Variants in ZNF486 observed in about 807,000 individuals in gnomAD.
ZNF486 encodes the protein KRAB box only protein 2.
ZNF486 carries 12 observed loss-of-function variants against 12.8 expected under a neutral mutation model. That is an observed-to-expected ratio of 0.94 (90% confidence interval 0.60 to 1.52). The LOEUF is 1.52. Among genes scored for constraint, ZNF486 ranks in the 40% most tolerant of loss-of-function variants. ZNF486 has a pLI of 0.00. For synonymous variants in ZNF486, 231 were observed against 184.9 expected, an observed-to-expected ratio of 1.25 and a Z score of -2.02; for missense variants, 738 against 545.0, an observed-to-expected ratio of 1.35 and a Z score of -3.53.
chr19:20,189,824 G>A (rs189201408), intron 3 of ZNF486, among the ~76,000 whole-genome samples: 62 of 152,228 alleles, frequency 4.1e-4, no homozygotes, highest in African/African-American at 1.4e-3. Context: ...TTGATGTCTA[G>A]TGTAGTTAAA....
At chr19:20,173,684 TA>T (rs2089674208) in intron 1 of ZNF486, among the ~76,000 whole-genome samples, 1 of 151,784 alleles carries the variant, frequency 6.6e-6, no homozygotes, top group Admixed American at 6.6e-5. Flanking sequence ...AAAAAAAAAT[TA>T]GTCAGGCGTG....
At position 20,199,092 on chromosome 19, in the gene ZNF486, A is replaced by C. The variant is rs147339203; in HGVS notation, c.*990A>C. The C allele has an allele frequency of 1.3e-5, 2 of 152,300 alleles. No individual in the cohort carries two copies. Among genetic ancestry groups the C allele is most frequent in the East Asian group, 3.9e-4 (2 of 5,182 alleles). The allele number at this position is 152,300 out of a possible 1,614,324, so 9.4% of individuals were successfully genotyped here. A position where few individuals can be genotyped will look rare whatever the true frequency, so the allele number is the denominator to read the frequency against. On this transcript the variant is annotated 3_prime_UTR_variant, in exon 4 of 4. Transcript: ENST00000335117. ...GTGCTTACACCGTATTTCACAGGAAAGCTATTATCCTTGAGAAAAATTGTA... is the reference window on the plus strand; with the variant it reads ...GTGCTTACACCGTATTTCACAGGAACGCTATTATCCTTGAGAAAAATTGTA...
In ZNF486 at chr19:20,197,466, C is replaced by G; in HGVS notation, c.756C>G (p.Ser252Arg). ...GCAAAGTCTTTAAGTACTTCTCTAG[C>G]TTTACTACACATAAGAAAATTCATA... is the stretch of plus-strand genomic sequence containing the variant. Reference protein sequence around the residue: ...ECGKVFKYFSSFTTHKKIHSG... With the variant: ...ECGKVFKYFSRFTTHKKIHSG... Residue 252 changes from serine (S) to arginine (R), a missense_variant, in exon 4 of 4, where the codon AGC becomes AGG. By Grantham distance (110) the Ser-to-Arg change is moderately radical. Transcript: ENST00000335117. 1 of 1,608,826 alleles carries G rather than the reference C, an allele frequency of 6.2e-7. No individual in the cohort carries two copies. Among genetic ancestry groups the G allele is most frequent in the East Asian group, 2.2e-5 (1 of 44,852 alleles).
chr19:20,186,084 T>C lies in ZNF486; in HGVS notation c.253+2T>C. On this transcript the variant is annotated splice_donor_variant, in intron 3 of 3. Transcript: ENST00000335117. LOFTEE classifies it high-confidence loss of function. The stretch of plus-strand genomic sequence containing the variant: ...ATGAGATGATTGCCAAACCCCCAGG[T>C]AGGTGCGAATGAAAATGAACACAAC... 2 of 1,577,586 alleles carry C rather than the reference T, an allele frequency of 1.3e-6. No individual in the cohort carries two copies. The highest frequency in any genetic ancestry group is 1.7e-6 in the Non-Finnish European group (2 of 1,166,408).
rs143552432 is a variant in ZNF486 at position 20,193,047 on chromosome 19, ATCT to A, written c.254-3912_254-3910del. Among the ~76,000 whole-genome samples, 1,427 of 151,826 alleles carry A rather than the reference ATCT, an allele frequency of 9.4e-3. 25 individuals are homozygous for A. Among genetic ancestry groups the A allele is most frequent in the African/African-American group, 0.032 (1,346 of 41,426 alleles). On this transcript the variant is annotated intron_variant, in intron 3 of 3. Transcript: ENST00000335117. ...TACTGGCATGCTTTCATTACTTTTT[ATCT>A]TCTTTTGCATACTTTCTATAAATAT...
intron 3 of ZNF486, among the ~76,000 whole-genome samples, chr19:20,193,372 G>A (rs1209208756): frequency 2.7e-5 from 4 of 149,568 alleles, no homozygotes; most frequent in Non-Finnish European, 5.9e-5. Context: ...TTGGCTCACT[G>A]TAACCTCCAC....
intron 1 of ZNF486, among the ~76,000 whole-genome samples, chr19:20,179,714 T>G (rs138718325): frequency 1.0e-3 from 153 of 152,326 alleles, no homozygotes; most frequent in African/African-American, 3.6e-3. Context: ...TTGTAAGTTG[T>G]CAAGATAGAT....
chr19:20,185,958 A>G (rs782664467), intron 2 of ZNF486, 29 bp from the exon 3 acceptor site: 1 of 1,426,856 alleles, frequency 7.0e-7, no homozygotes, highest in South Asian at 1.6e-5. Flanking sequence ...TATAAGCAAG[A>G]TTAATGCTAT....
chr19:20,169,600 C>G (rs1453973355), intron 1 of ZNF486, among the ~76,000 whole-genome samples: 2 of 152,082 alleles, frequency 1.3e-5, no homozygotes, highest in Non-Finnish European at 2.9e-5. Flanking sequence ...GATAATAAAG[C>G]TATTGTTTTG....
chr19:20,199,559 A>T lies in ZNF486; in HGVS notation c.*1457A>T, dbSNP rs1401207948. On this transcript the variant is annotated 3_prime_UTR_variant, in exon 4 of 4. Transcript: ENST00000335117. The stretch of plus-strand genomic sequence containing the variant: ...CAGACTGACCAAAACGGAGAAACCC[A>T]GTCTCTACTGAAAATATAAAATTAG... 6.6e-6 allele frequency: 1 copy of T among 151,992 alleles called. No individual in the cohort carries two copies. Among genetic ancestry groups the T allele is most frequent in the Non-Finnish European group, 1.5e-5 (1 of 68,028 alleles). The allele number at this position is 151,992 out of a possible 1,614,324, so 9.4% of individuals were successfully genotyped here. A position where few individuals can be genotyped will look rare whatever the true frequency, so the allele number is the denominator to read the frequency against.
rs139046441 is a variant in ZNF486, at chr19:20,187,075, G to T, written c.253+993G>T. Among the ~76,000 whole-genome samples, 4 of 151,728 alleles carry T rather than the reference G, an allele frequency of 2.6e-5. No homozygotes were observed. The East Asian group carries it at 5.8e-4, about 22-fold the overall frequency. On this transcript the variant is annotated intron_variant, in intron 3 of 3. Coordinates refer to ENST00000335117, the MANE Select transcript of ZNF486 (RefSeq NM_052852.4). ...TGGGATTACAGGCATGAGCCACCCC[G>T]CCCGGCCCATAGTTTTTTTATTGTA...
chr19:20,186,247 C>CA (rs778204805), intron 3 of ZNF486, among the ~76,000 whole-genome samples, 165 bp downstream of exon 3: 26 of 152,256 alleles, frequency 1.7e-4, no homozygotes, highest in Non-Finnish European at 2.8e-4. Flanking sequence ...TTTTCTCTCA[C>CA]AAAGGGACAT....
rs782746822 is a variant in ZNF486, at chr19:20,198,066, T to A, written c.1356T>A (p.His452Gln). 2 of 1,606,478 alleles carry A rather than the reference T, an allele frequency of 1.2e-6. No individual in the cohort carries two copies. Among genetic ancestry groups the A allele is most frequent in the Non-Finnish European group, 1.7e-6 (2 of 1,176,100 alleles). The change falls in exon 4 of 4, where the codon CAT (histidine) becomes CAA (glutamine). Residue 452 changes from histidine (H) to glutamine (Q), a missense_variant. Physicochemically the swap from His to Gln is conservative, Grantham distance 24. Transcript: ENST00000335117. ...ACTGGTCCTCAGACCTTAATAAACA[T>A]AAGAGAATTCATATTGGACAGAAAC... is the stretch of plus-strand genomic sequence containing the variant. ...AFNWSSDLNK[H>Q]KRIHIGQKPR... is the part of the protein sequence containing the mutation.
Position 20,187,886 on chromosome 19 carries a change from T to G in ZNF486, c.253+1804T>G, listed in dbSNP as rs546071032. On this transcript the variant is annotated intron_variant, in intron 3 of 3. Transcript: ENST00000335117. ...GATGAGATGCCCTCTGAATTTGTAG[T>G]GGAGAGGGGGTGTAGCTTGGTGACA... is the stretch of plus-strand genomic sequence containing the variant. Among the ~76,000 whole-genome samples the G allele has an allele frequency of 3.9e-5, 6 of 152,168 alleles. No homozygotes were observed. The East Asian group carries it at 1.2e-3, about 29-fold the overall frequency.
chr19:20,191,462 CAA>C (rs35968267), intron 3 of ZNF486, among the ~76,000 whole-genome samples: 1,749 of 97,358 alleles, frequency 0.018, 43 homozygotes, highest in African/African-American at 0.057. Context: ...GAGATTCCTT[CAA>C]AAAAAAAAAA....
At chr19:20,187,087 G>A (rs1416786609) in intron 3 of ZNF486, among the ~76,000 whole-genome samples, 2 of 151,686 alleles carry the variant, frequency 1.3e-5, no homozygotes, top group African/African-American at 2.4e-5. Flanking sequence ...CCGGCCCATA[G>A]TTTTTTTATT....
intron 1 of ZNF486, among the ~76,000 whole-genome samples, chr19:20,179,156 A>G (rs1314901539): frequency 2.0e-5 from 3 of 152,238 alleles, no homozygotes; most frequent in Non-Finnish European, 2.9e-5. Context: ...ACTTTGAACG[A>G]TGTATTCATC....
At position 20,185,991 on chromosome 19, in the gene ZNF486, T is replaced by G. The variant is rs782033909; in HGVS notation, c.162T>G (p.Ile54Met). The G allele has an allele frequency of 1.8e-5, 28 of 1,554,360 alleles. No individual in the cohort carries two copies. Among genetic ancestry groups the G allele is most frequent in the Non-Finnish European group, 8.7e-7 (1 of 1,154,054 alleles). ...TATTTATTTTTAATGAAACAGGTAT[T>G]ATTGTCTCTAAGCCAGACCTGATCA... ...ENYRHLVFLG[I>M]IVSKPDLITC... The change falls in exon 3 of 4, where the codon ATT (isoleucine) becomes ATG (methionine). Residue 54 changes from isoleucine to methionine, a missense_variant. Transcript: ENST00000335117.
intron 1 of ZNF486, among the ~76,000 whole-genome samples, chr19:20,182,890 AGAGGAG>A (rs566335140): frequency 3.7e-3 from 559 of 152,220 alleles, no homozygotes; most frequent in Middle Eastern, 0.01. Flanking sequence ...AAGGAATTCC[AGAGGAG>A]GAGGAGGAGA....
Sources: gnomAD v4.1 joint callset for allele counts (sites outside exome capture counted in the v4.1 genomes callset) on GRCh38, gnomAD v4.1.1 for gene constraint, MANE v1.5 for transcripts, NCBI Gene and HGNC (gene_info 2026-07-23, HGNC 2026-07-21) for gene names.